Variants in INTS4 observed in about 807,000 individuals in gnomAD.
INTS4 encodes the protein MSTP093.
In INTS4, 70 loss-of-function variants were observed where a neutral mutation model predicts 119.5. That is an observed-to-expected ratio of 0.59 (90% CI 0.48 to 0.71). INTS4 has a LOEUF of 0.71. Among genes scored for constraint, INTS4 ranks in the 30% least tolerant of loss-of-function variants. INTS4 has a pLI of 0.00. For missense variants in INTS4, 867 were observed against 1,173.2 expected, an observed-to-expected ratio of 0.74 and a Z score of 3.81; for synonymous variants, 316 against 419.6, an observed-to-expected ratio of 0.75 and a Z score of 3.02.
chr11:77,928,608 TC>T (rs1306686219), intron 10 of INTS4, 61 bp from the exon 11 acceptor site: 1 of 1,539,590 alleles, frequency 6.5e-7, no homozygotes, highest in Non-Finnish European at 8.8e-7. Flanking sequence ...ACGCCTGTAA[TC>T]CCAGCACTTT....
chr11:77,883,736 C>T (rs1002936122), intron 22 of INTS4, 96 bp downstream of exon 22: 5 of 1,285,816 alleles, frequency 3.9e-6, no homozygotes, highest in Non-Finnish European at 5.4e-6. Context: ...CTGATTCATC[C>T]ATGTATTTTT....
At chr11:77,880,179 C>T (rs2136347969) in intron 22 of INTS4, among the ~76,000 whole-genome samples, 1 of 152,242 alleles carries the variant, frequency 6.6e-6, no homozygotes, top group Admixed American at 6.5e-5. Flanking sequence ...AAGATGATCC[C>T]AAGGCTAAGA....
intron 16 of INTS4, among the ~76,000 whole-genome samples, chr11:77,906,921 C>T (rs983571138): frequency 2.6e-5 from 4 of 152,190 alleles, no homozygotes; most frequent in Admixed American, 2.6e-4. Flanking sequence ...CTGAAAGATA[C>T]TGAACTCATT....
intron 8 of INTS4, among the ~76,000 whole-genome samples, chr11:77,955,540 G>C (rs1357165565): frequency 1.3e-5 from 2 of 149,896 alleles, no homozygotes; most frequent in African/African-American, 4.9e-5. Context: ...CTTGTCGCCA[G>C]GCTGGAGTGC....
At chr11:77,910,994 G>A (rs1289813072) in intron 15 of INTS4, 8 of 1,288,960 alleles carry the variant, frequency 6.2e-6, no homozygotes, top group East Asian at 5.5e-5. Flanking sequence ...CACTTGGGAA[G>A]CTGTCTGTTT....
intron 8 of INTS4, among the ~76,000 whole-genome samples, chr11:77,948,685 A>G (rs1591094016): frequency 7.1e-6 from 1 of 140,332 alleles, no homozygotes; most frequent in East Asian, 2.0e-4. Context: ...AAAAAAGAAG[A>G]AGAAGAAGAA....
chr11:77,922,303 A>ATGCCAAAGCTGCC (rs1953383462), intron 13 of INTS4, 53 bp downstream of exon 13: 1 of 1,543,744 alleles, frequency 6.5e-7, no homozygotes, highest in Non-Finnish European at 8.7e-7. Context: ...GCAGAAGGAG[A>ATGCCAAAGCTGCC]TGCCAAAGCT....
chr11:77,939,856 A>AC (rs1044598564), intron 9 of INTS4, among the ~76,000 whole-genome samples: 6 of 151,600 alleles, frequency 4.0e-5, no homozygotes, highest in East Asian at 1.9e-4. Context: ...AACAAAAAAA[A>AC]AAAACAAAAC....
chr11:77,908,389 C>T (rs1953013299), intron 15 of INTS4, among the ~76,000 whole-genome samples: 1 of 149,380 alleles, frequency 6.7e-6, no homozygotes, highest in Non-Finnish European at 1.5e-5. Context: ...AGTACAGTGG[C>T]GTGATCTCGA....
downstream of INTS4, chr11:77,877,179 TGACC>T: frequency 6.4e-6 from 4 of 625,646 alleles, no homozygotes; most frequent in Non-Finnish European, 1.2e-5. Context: ...CCTAATTGTG[TGACC>T]TAGGACAGGT....
At chr11:77,987,934 T>G (rs1389748407) in intron 2 of INTS4, among the ~76,000 whole-genome samples, 1 of 152,128 alleles carries the variant, frequency 6.6e-6, no homozygotes, top group Non-Finnish European at 1.5e-5. Context: ...GGTAGGTGAA[T>G]CGCTTGAGCC....
intron 4 of INTS4, among the ~76,000 whole-genome samples, chr11:77,969,294 C>T (rs1306443678): frequency 6.6e-6 from 1 of 152,082 alleles, no homozygotes; most frequent in Non-Finnish European, 1.5e-5. Flanking sequence ...GCAATTCTCC[C>T]AGAAAACGTA....
At chr11:77,992,544 AT>A (rs2136674670) in intron 1 of INTS4, among the ~76,000 whole-genome samples, 1 of 152,212 alleles carries the variant, frequency 6.6e-6, no homozygotes, top group African/African-American at 2.4e-5. Context: ...CTGTTAAAAA[AT>A]AATAATAAAA....
chr11:77,973,379 T>C (rs1449499586), intron 4 of INTS4, among the ~76,000 whole-genome samples: 3 of 152,188 alleles, frequency 2.0e-5, no homozygotes, highest in African/African-American at 7.2e-5. Flanking sequence ...CTTTTTCTTT[T>C]CCAAAATAGA....
At chr11:77,884,052 A>G (rs1336096051) in intron 21 of INTS4, 100 bp from the exon 22 acceptor site, 24 of 1,224,798 alleles carry the variant, frequency 2.0e-5, no homozygotes, top group Non-Finnish European at 2.6e-5. Flanking sequence ...AAGAAGAAAC[A>G]TGACACCAAC....
At chr11:77,960,304 C>T (rs1423808759) in intron 6 of INTS4, 37 bp downstream of exon 6, 4 of 1,502,112 alleles carry the variant, frequency 2.7e-6, no homozygotes, top group Non-Finnish European at 3.7e-6. Flanking sequence ...CTTCATGATA[C>T]CTCCAACCCC....
At position 77,918,944 on chromosome 11, in the gene INTS4, G is replaced by A. The variant is rs1352066003; in HGVS notation, c.1799C>T (p.Ser600Phe). 3.1e-6 allele frequency: 5 copies of A among 1,613,952 alleles called. No individual in the cohort carries two copies. The highest frequency in any genetic ancestry group is 4.2e-6 in the Non-Finnish European group (5 of 1,179,874). ...ATCCTCTTGAGGTATGATGCTGGGA[G>A]AAACAGCTGATGACACCAGTTTTCT... Reference protein sequence around the residue: ...PGRKLVSSAVSPSIIPQEDPS... With the variant: ...PGRKLVSSAVFPSIIPQEDPS... Residue 600 changes from serine to phenylalanine, a missense_variant, in exon 15 of 23, where the codon TCT (serine) becomes TTT (phenylalanine). Physicochemically the swap from Ser to Phe is radical, Grantham distance 155. This residue lies in a region of INTS4 where 262 missense variants were observed against 376.0 expected (regional missense o/e 0.70). Coordinates refer to ENST00000534064, the MANE Select transcript of INTS4 (RefSeq NM_033547.4).
At chr11:77,953,686 T>C (rs1954250188) in intron 8 of INTS4, among the ~76,000 whole-genome samples, 1 of 152,044 alleles carries the variant, frequency 6.6e-6, no homozygotes, top group Admixed American at 6.6e-5. Flanking sequence ...CAGGTTCAAG[T>C]GATCCTCCCA....
intron 2 of INTS4, among the ~76,000 whole-genome samples, chr11:77,986,060 C>T (rs1227025319): frequency 6.6e-6 from 1 of 152,138 alleles, no homozygotes; most frequent in African/African-American, 2.4e-5. Flanking sequence ...ATCTGGCATC[C>T]CTCCTCATTT....
Sources: gnomAD v4.1 joint callset for allele counts (sites outside exome capture counted in the v4.1 genomes callset) on GRCh38, gnomAD v4.1.1 for gene constraint, gnomAD v4.1.1 regional missense constraint, MANE v1.5 for transcripts, NCBI Gene and HGNC (gene_info 2026-07-23, HGNC 2026-07-21) for gene names.